Variants in TASP1 observed in about 807,000 individuals in gnomAD.
TASP1 encodes taspase 1, also known as threonine aspartase 1.
A neutral mutation model predicts 56.6 loss-of-function variants in TASP1; 16 were observed. That is an observed-to-expected ratio of 0.28 (90% CI 0.19 to 0.43). TASP1 has a LOEUF of 0.43. Ranked by LOEUF, TASP1 falls within the 20% of genes least tolerant of loss-of-function variation. TASP1 has a pLI of 1.00. For missense variants in TASP1, 393 were observed against 511.6 expected (o/e 0.77, Z 2.24); for synonymous variants, 179 against 184.2 (o/e 0.97, Z 0.23).
chr20:13,214,089 A>G, the TASP1 span, among the ~76,000 whole-genome samples: 1 of 152,216 alleles, frequency 6.6e-6, no homozygotes, highest in African/African-American at 2.4e-5. Context: ...TTATAGGGAC[A>G]ATTTGAACCA....
chr20:13,175,202 A>C, the TASP1 span, among the ~76,000 whole-genome samples: 1 of 152,206 alleles, frequency 6.6e-6, no homozygotes, highest in Non-Finnish European at 1.5e-5. Flanking sequence ...GAAATACTTA[A>C]GAACTTTAGT....
chr20:13,402,669 T>C (rs1310402856), intron 13 of TASP1, among the ~76,000 whole-genome samples: 1 of 152,226 alleles, frequency 6.6e-6, no homozygotes, highest in African/African-American at 2.4e-5. Flanking sequence ...CAGTTAAAAT[T>C]TGGTTAAGAC....
At chr20:13,436,884 A>C (rs1181784668) in intron 11 of TASP1, among the ~76,000 whole-genome samples, 1 of 152,190 alleles carries the variant, frequency 6.6e-6, no homozygotes, top group East Asian at 1.9e-4. Flanking sequence ...CTTAGCGTTT[A>C]ACTATTAAAT....
chr20:13,609,548 C>T (rs371938586), intron 4 of TASP1, among the ~76,000 whole-genome samples: 1 of 151,972 alleles, frequency 6.6e-6, no homozygotes, highest in Admixed American at 6.6e-5. Context: ...ATTAGTCGGG[C>T]ATGGCGGTGG....
intron 11 of TASP1, among the ~76,000 whole-genome samples, chr20:13,455,143 T>C (rs1408706896): frequency 2.0e-5 from 3 of 152,154 alleles, no homozygotes; most frequent in African/African-American, 7.2e-5. Context: ...CCATTAACTT[T>C]TAAAGTTTTT....
chr20:13,518,346 G>A (rs192184994), intron 10 of TASP1, among the ~76,000 whole-genome samples: 122 of 152,184 alleles, frequency 8.0e-4, no homozygotes, highest in Admixed American at 5.3e-3. Flanking sequence ...GCCTCTCAGC[G>A]TCTGGATCAT....
the TASP1 span, among the ~76,000 whole-genome samples, chr20:13,304,737 C>G: frequency 6.6e-6 from 1 of 152,208 alleles, no homozygotes; most frequent in South Asian, 2.1e-4. Flanking sequence ...CCAACTCCCT[C>G]ACCCCTCGAG....
At chr20:13,286,111 T>G in the TASP1 span, among the ~76,000 whole-genome samples, 3 of 152,188 alleles carry the variant, frequency 2.0e-5, no homozygotes, top group Non-Finnish European at 4.4e-5. Context: ...AACATTATAA[T>G]CTTTACTTTT....
At chr20:13,306,563 A>T in the TASP1 span, among the ~76,000 whole-genome samples, 2 of 70,502 alleles carry the variant, frequency 2.8e-5, no homozygotes, top group Non-Finnish European at 6.8e-5. Flanking sequence ...AGGAGAAAGG[A>T]CAAAAAAAAA....
the TASP1 span, among the ~76,000 whole-genome samples, chr20:13,155,617 G>A: frequency 6.6e-6 from 1 of 152,088 alleles, no homozygotes; most frequent in Non-Finnish European, 1.5e-5. Context: ...ATGAGGTCAG[G>A]AGATCGAAAC....
At chr20:13,552,485 A>G (rs2147019921) in intron 8 of TASP1, among the ~76,000 whole-genome samples, 1 of 152,346 alleles carries the variant, frequency 6.6e-6, no homozygotes, top group East Asian at 1.9e-4. Context: ...GGCATGTCTG[A>G]CACTGCTGCC....
At chr20:13,549,538 T>C (rs750450697) in intron 8 of TASP1, among the ~76,000 whole-genome samples, 10 of 152,114 alleles carry the variant, frequency 6.6e-5, no homozygotes, top group Non-Finnish European at 7.4e-5. Flanking sequence ...ATGTCTATGA[T>C]AGGGCAAATC....
intron 5 of TASP1, among the ~76,000 whole-genome samples, chr20:13,584,570 A>AC (rs2047237476): frequency 1.3e-5 from 2 of 152,166 alleles, no homozygotes; most frequent in African/African-American, 4.8e-5. Flanking sequence ...CAAATAAATA[A>AC]CCAAATTGAC....
At chr20:13,214,549 ACACACACACAC>A in the TASP1 span, among the ~76,000 whole-genome samples, 2 of 134,868 alleles carry the variant, frequency 1.5e-5, no homozygotes, top group African/African-American at 5.0e-5. Context: ...ACACACACAC[ACACACACACAC>A]ACAGAGAGAG....
chr20:13,283,350 G>A, the TASP1 span, among the ~76,000 whole-genome samples: 10,717 of 152,212 alleles, frequency 0.07, 531 homozygotes, highest in East Asian at 0.23. Flanking sequence ...ATCTCGGGGC[G>A]TGCAGCCTCG....
At chr20:13,270,692 C>G in the TASP1 span, 1 of 1,613,958 alleles carries the variant, frequency 6.2e-7, no homozygotes. Context: ...ATCTACCAAA[C>G]TTTCCAGATC....
chr20:13,442,790 A>G (rs1301397440), intron 11 of TASP1, among the ~76,000 whole-genome samples: 3 of 152,092 alleles, frequency 2.0e-5, no homozygotes. Flanking sequence ...CAATTATTTA[A>G]TGAAAGTATG....
the TASP1 span, among the ~76,000 whole-genome samples, chr20:13,149,379 G>A: frequency 6.6e-6 from 1 of 152,210 alleles, no homozygotes; most frequent in Non-Finnish European, 1.5e-5. Context: ...CACTCTTCAA[G>A]CAAGAATCTC....
intron 10 of TASP1, among the ~76,000 whole-genome samples, chr20:13,504,293 T>C (rs1049812179): frequency 6.6e-6 from 1 of 152,080 alleles, no homozygotes; most frequent in South Asian, 2.1e-4. Context: ...AGTAGGATAA[T>C]GTATTTGAAG....
Sources: gnomAD v4.1 joint callset for allele counts (sites outside exome capture counted in the v4.1 genomes callset) on GRCh38, gnomAD v4.1.1 for gene constraint, MANE v1.5 for transcripts, NCBI Gene and HGNC (gene_info 2026-07-23, HGNC 2026-07-21) for gene names.